Variants in DNAH6 observed in about 807,000 individuals in gnomAD.
The protein encoded by DNAH6 is dynein axonemal heavy chain 6, also known as axonemal beta dynein heavy chain 6.
In DNAH6, 340 loss-of-function variants were observed where a neutral mutation model predicts 491.4. The ratio of observed to expected loss-of-function variants is 0.69; its 90% CI spans 0.63 to 0.76. The LOEUF (loss-of-function observed/expected upper bound fraction) is 0.76. DNAH6 is among the 30% of genes least tolerant of loss of function. The pLI is 0.00. For synonymous variants in DNAH6, 1,603 were observed against 1,686.1 expected, an observed-to-expected ratio of 0.95 and a Z score of 1.21; for missense variants, 4,443 against 4,972.2, an observed-to-expected ratio of 0.89 and a Z score of 3.20.
chr2:84,715,417 TA>T, intron 57 of DNAH6, 142 bp from the exon 58 acceptor site: 1 of 676,678 alleles, frequency 1.5e-6, no homozygotes. Context: ...ACAGTACACC[TA>T]AAGTATGTGT....
intron 12 of DNAH6, 31 bp from the exon 13 acceptor site, chr2:84,577,226 T>C: frequency 7.0e-7 from 1 of 1,423,530 alleles, no homozygotes. Flanking sequence ...ATATGGTATA[T>C]TTTATGCTTT....
At chr2:84,818,806 G>A (rs1680750461) in intron 76 of DNAH6, among the ~76,000 whole-genome samples, 1 of 152,244 alleles carries the variant, frequency 6.6e-6, no homozygotes, top group South Asian at 2.1e-4. Context: ...GGGTGCAGTG[G>A]CTCATGCCTG....
chr2:84,468,879 A>G, the DNAH6 span, among the ~76,000 whole-genome samples: 58,114 of 152,018 alleles, frequency 0.38, 11,978 homozygotes, highest in Non-Finnish European at 0.47. Flanking sequence ...GTACCGCCAC[A>G]TGATCAAAAG....
chr2:84,659,186 T>C lies in DNAH6; in HGVS notation c.6084+17T>C. ...GATGCCAGGGTAAGAACCAAATAAA[T>C]TATATTTTAACATAATAATTCTGAA... is the stretch of plus-strand genomic sequence containing the variant. On this transcript the variant is annotated intron_variant, in intron 37 of 76. Transcript: ENST00000389394. 7.7e-7 allele frequency: 1 copy of C among 1,295,944 alleles called. No individual in the cohort carries two copies. Among genetic ancestry groups the C allele is most frequent in the Non-Finnish European group, 1.0e-6 (1 of 966,150 alleles). 80.3% of individuals were successfully genotyped at this position (1,295,944 alleles called of 1,614,324 possible).
In DNAH6 at chr2:84,778,254, T is replaced by C. The variant is rs1428095258; in HGVS notation, c.10704-3239T>C. ...ACTTGGAACCAAAAGGAATCAGGAATGCATGTCCGGCGGGCATCGGTGGCA... is the reference window on the plus strand; with the variant it reads ...ACTTGGAACCAAAAGGAATCAGGAACGCATGTCCGGCGGGCATCGGTGGCA... On this transcript the variant is annotated intron_variant, in intron 64 of 76. Transcript: ENST00000389394. 1.1e-5 allele frequency: 7 copies of C among 610,138 alleles called. No homozygotes were observed. The African/African-American group carries it at 1.3e-4, about 11-fold the overall frequency. 37.8% of individuals were successfully genotyped at this position (610,138 alleles called of 1,614,324 possible). A position where few individuals can be genotyped will look rare whatever the true frequency, so the allele number is the denominator to read the frequency against.
chr2:84,689,396 C>T (rs1202468009), intron 45 of DNAH6, among the ~76,000 whole-genome samples: 6 of 152,262 alleles, frequency 3.9e-5, no homozygotes, highest in African/African-American at 7.2e-5. Flanking sequence ...TCAATTTTTG[C>T]GACTGTTCTC....
the DNAH6 span, among the ~76,000 whole-genome samples, chr2:84,474,692 A>G: frequency 2.0e-5 from 3 of 152,308 alleles, no homozygotes; most frequent in Admixed American, 6.5e-5. Flanking sequence ...CTTCGTGACC[A>G]TCCGACCCTT....
intron 18 of DNAH6, among the ~76,000 whole-genome samples, 177 bp from the exon 19 acceptor site, chr2:84,604,162 G>T (rs1685529301): frequency 6.6e-6 from 1 of 152,160 alleles, no homozygotes. Context: ...CGCAAACTTG[G>T]TTTTCTAATA....
chr2:84,526,225 G>T (rs1001823965), intron 3 of DNAH6, among the ~76,000 whole-genome samples: 1 of 150,910 alleles, frequency 6.6e-6, no homozygotes, highest in South Asian at 2.1e-4. Context: ...CTAGATAACT[G>T]AAGAAAAAAA....
intron 40 of DNAH6, among the ~76,000 whole-genome samples, chr2:84,674,823 C>T (rs906895369): frequency 6.6e-6 from 1 of 152,138 alleles, no homozygotes; most frequent in African/African-American, 2.4e-5. Flanking sequence ...AGTGGCTCCT[C>T]TCTGCCAAAC....
chr2:84,525,544 A>G lies in DNAH6; in HGVS notation c.226-21A>G, dbSNP rs763522034. 2.6e-6 allele frequency: 4 copies of G among 1,525,950 alleles called. No homozygotes were observed. In the African/African-American group the frequency reaches 5.6e-5, roughly 21 times the overall value. 94.5% of individuals were successfully genotyped at this position (1,525,950 alleles called of 1,614,324 possible). On this transcript the variant is annotated intron_variant, in intron 2 of 76. Transcript: ENST00000389394. Reference sequence around the variant, plus strand: ...TATACGAATGTTAATAAAAATTAACATGTCTCTCTATTTCCCAAAGCCAGT... The same window carrying G: ...TATACGAATGTTAATAAAAATTAACGTGTCTCTCTATTTCCCAAAGCCAGT...
At chr2:84,793,091 G>A (rs1377483921) in intron 68 of DNAH6, among the ~76,000 whole-genome samples, 1 of 152,156 alleles carries the variant, frequency 6.6e-6, no homozygotes, top group East Asian at 1.9e-4. Flanking sequence ...GGGAAAGGAA[G>A]GGAAAGGGGA....
intron 2 of DNAH6, among the ~76,000 whole-genome samples, chr2:84,518,833 C>T (rs1246272900): frequency 6.6e-6 from 1 of 152,194 alleles, no homozygotes; most frequent in African/African-American, 2.4e-5. Flanking sequence ...TTCCTGTTGA[C>T]ATTCTAGTAA....
At chr2:84,559,846 C>A (rs1474120528) in intron 11 of DNAH6, among the ~76,000 whole-genome samples, 1 of 151,816 alleles carries the variant, frequency 6.6e-6, no homozygotes, top group African/African-American at 2.4e-5. Context: ...AGAAAAAAGA[C>A]AAAATCATCT....
intron 22 of DNAH6, 47 bp downstream of exon 22, chr2:84,611,901 T>C (rs1164625497): frequency 6.7e-7 from 1 of 1,497,676 alleles, no homozygotes; most frequent in Non-Finnish European, 9.0e-7. Context: ...AATCTTTTAG[T>C]AGTCTGGGAC....
intron 37 of DNAH6, among the ~76,000 whole-genome samples, chr2:84,663,852 G>A (rs1184535926): frequency 6.6e-6 from 1 of 152,064 alleles, no homozygotes; most frequent in Non-Finnish European, 1.5e-5. Context: ...AGAGAGAAAG[G>A]TCGGGTTACC....
intron 36 of DNAH6, 50 bp from the exon 37 acceptor site, chr2:84,658,976 T>C (rs189243137): frequency 4.5e-5 from 53 of 1,172,472 alleles, no homozygotes; most frequent in Non-Finnish European, 6.1e-5. Context: ...TTAGGATTCT[T>C]TTTATGTTCA....
intron 64 of DNAH6, among the ~76,000 whole-genome samples, chr2:84,779,326 T>C (rs1050751283): frequency 6.6e-6 from 1 of 152,202 alleles, no homozygotes; most frequent in African/African-American, 2.4e-5. Context: ...GGTATTCCAA[T>C]GTTGGGTGCA....
intron 68 of DNAH6, among the ~76,000 whole-genome samples, chr2:84,791,315 T>C (rs192415200): frequency 8.4e-4 from 128 of 151,836 alleles, no homozygotes; most frequent in African/African-American, 2.9e-3. Context: ...AAGTAAAATA[T>C]GGCATATCCA....
Sources: gnomAD v4.1 joint callset for allele counts (sites outside exome capture counted in the v4.1 genomes callset) on GRCh38, gnomAD v4.1.1 for gene constraint, MANE v1.5 for transcripts, NCBI Gene and HGNC (gene_info 2026-07-23, HGNC 2026-07-21) for gene names.